The following LYRM4 variants were observed in gnomAD, a reference collection of about 807,000 sequenced individuals.
LYRM4 encodes the protein LYR motif-containing protein 4.
In LYRM4, 9 loss-of-function variants were observed where a neutral mutation model predicts 11.7. The ratio of observed to expected loss-of-function variants is 0.77; its 90% CI spans 0.46 to 1.34. The LOEUF (loss-of-function observed/expected upper bound fraction) is 1.34, where lower values mean the gene tolerates loss of function less well. Ranked by LOEUF, LYRM4 falls within the 40% of genes most tolerant of loss-of-function variation. The probability of loss-of-function intolerance (pLI) is 0.00; values close to 1 mark genes in which losing one functional copy is unlikely to be tolerated. For synonymous variants in LYRM4, 42 were observed against 40.4 expected (o/e 1.04, Z -0.15); for missense variants, 133 against 112.5 (o/e 1.18, Z -0.82).
chr6:5,209,220 A>G (rs1452639180), intron 2 of LYRM4, among the ~76,000 whole-genome samples: 1 of 152,062 alleles, frequency 6.6e-6, no homozygotes, highest in Non-Finnish European at 1.5e-5. Flanking sequence ...CAGTCTCCCA[A>G]GTAGCTAGGA....
At chr6:5,207,573 ACAAG>A (rs1352838051) in intron 2 of LYRM4, among the ~76,000 whole-genome samples, 2 of 152,184 alleles carry the variant, frequency 1.3e-5, no homozygotes, top group Non-Finnish European at 2.9e-5. Context: ...AAAGGACAAG[ACAAG>A]CAGTGAGGCA....
intron 2 of LYRM4, among the ~76,000 whole-genome samples, chr6:5,134,699 G>T (rs913257383): frequency 2.0e-5 from 3 of 152,132 alleles, no homozygotes; most frequent in Admixed American, 2.0e-4. Context: ...CTTAAAGATG[G>T]GTGATGGATA....
rs183132058 is a variant in LYRM4, at chr6:5,257,919, A to G, written c.86+2729T>C. ...TGAGGTAAAAGAATGACACACAGCA[A>G]TGAGACCTGTTTGGCTGGTGGGAGG... On this transcript the variant is annotated intron_variant, in intron 1 of 2. Coordinates refer to ENST00000330636, the MANE Select transcript of LYRM4 (RefSeq NM_020408.6). Among the ~76,000 whole-genome samples the G allele has an allele frequency of 1.8e-3, 270 of 152,348 alleles. 2 individuals are homozygous for G. The highest frequency in any genetic ancestry group is 3.5e-3 in the South Asian group (17 of 4,824).
chr6:5,151,468 T>C (rs931763743), intron 2 of LYRM4, among the ~76,000 whole-genome samples: 1 of 152,160 alleles, frequency 6.6e-6, no homozygotes, highest in Non-Finnish European at 1.5e-5. Flanking sequence ...TTCACAGTTG[T>C]TGCCTCCAGG....
the LYRM4 span, chr6:5,086,177 C>T: frequency 3.9e-6 from 6 of 1,531,784 alleles, no homozygotes; most frequent in Non-Finnish European, 4.4e-6. Context: ...GCCTCGGGCG[C>T]TGAGGTGAAG....
chr6:5,121,778 A>G (rs111750073), intron 2 of LYRM4, among the ~76,000 whole-genome samples: 2,028 of 152,342 alleles, frequency 0.013, 30 homozygotes, highest in South Asian at 0.086. Context: ...GCTCAGCTGC[A>G]TGTCTGTCCC....
chr6:5,084,371 G>C, the LYRM4 span, among the ~76,000 whole-genome samples: 5 of 152,176 alleles, frequency 3.3e-5, no homozygotes, highest in East Asian at 1.9e-4. Context: ...AGCGCAGTCC[G>C]GCGCGGGCCA....
chr6:5,260,542 C>CA, intron 1 of LYRM4, 106 bp downstream of exon 1: 2 of 1,451,980 alleles, frequency 1.4e-6, no homozygotes, highest in South Asian at 2.5e-5. Context: ...CAGCCGCCGG[C>CA]AAACCACGGT....
the LYRM4 span, among the ~76,000 whole-genome samples, chr6:5,078,495 G>A: frequency 2.0e-5 from 3 of 152,120 alleles, no homozygotes; most frequent in Non-Finnish European, 4.4e-5. Flanking sequence ...TTTAGTACAC[G>A]GTGACCAGTA....
the LYRM4 span, among the ~76,000 whole-genome samples, chr6:5,073,847 G>A: frequency 3.3e-5 from 5 of 152,124 alleles, no homozygotes; most frequent in South Asian, 2.1e-4. Context: ...TCTAGGCCCC[G>A]CCACACCCAG....
At chr6:5,173,588 T>C (rs1221643451) in intron 2 of LYRM4, among the ~76,000 whole-genome samples, 1 of 152,258 alleles carries the variant, frequency 6.6e-6, no homozygotes, top group Non-Finnish European at 1.5e-5. Context: ...ATTAACACAT[T>C]TGAAATTCAA....
At position 5,108,933 on chromosome 6, in the gene LYRM4, C is replaced by T; in HGVS notation, c.*490G>A. On this transcript the variant is annotated 3_prime_UTR_variant, in exon 3 of 3. Coordinates refer to ENST00000330636, the MANE Select transcript of LYRM4 (RefSeq NM_020408.6). Reference sequence around the variant, plus strand: ...ATGCTGCCCCCAGTCTCAAGTGGTGCTTGAACTTGCCTTCACCAAGGCAGT... The same window carrying T: ...ATGCTGCCCCCAGTCTCAAGTGGTGTTTGAACTTGCCTTCACCAAGGCAGT... The T allele has an allele frequency of 2.0e-6, 2 of 996,272 alleles. No individual in the cohort carries two copies. Among genetic ancestry groups the T allele is most frequent in the Non-Finnish European group, 1.2e-6 (1 of 835,580 alleles). The allele number at this position is 996,272 out of a possible 1,614,324, so 61.7% of individuals were successfully genotyped here.
At chr6:5,103,459 C>G (rs1485470522), downstream of LYRM4, 1 of 152,202 alleles carries the variant, frequency 6.6e-6, no homozygotes, top group Non-Finnish European at 1.5e-5. Context: ...CACAGGTTCA[C>G]AGAGCTAACA....
the LYRM4 span, chr6:5,033,855 A>G: frequency 6.6e-6 from 1 of 152,270 alleles, no homozygotes. Flanking sequence ...AACCAAATCA[A>G]TACTTGTGGC....
In LYRM4 at chr6:5,228,968, C is replaced by T. The variant is rs550137246; in HGVS notation, c.87-12230G>A. Among the ~76,000 whole-genome samples, 3 of 137,628 alleles carry T rather than the reference C, an allele frequency of 2.2e-5. No homozygotes were observed. The South Asian group carries it at 6.8e-4, about 31-fold the overall frequency. 90.3% of individuals were successfully genotyped at this position (137,628 alleles called of 152,430 possible). On this transcript the variant is annotated intron_variant, in intron 1 of 2. Transcript: ENST00000330636. ...GCAGCGAGCCAAGATCACGCCACTGCACTCCAGCCTGGGCGACGGAGCGAG... is the reference window on the plus strand; with the variant it reads ...GCAGCGAGCCAAGATCACGCCACTGTACTCCAGCCTGGGCGACGGAGCGAG...
At chr6:5,145,649 G>T (rs1467146633) in intron 2 of LYRM4, among the ~76,000 whole-genome samples, 1 of 152,140 alleles carries the variant, frequency 6.6e-6, no homozygotes, top group Non-Finnish European at 1.5e-5. Flanking sequence ...CCAGGGAGGA[G>T]AAAAGAAAAA....
chr6:5,215,311 T>C (rs1762214692), intron 2 of LYRM4, among the ~76,000 whole-genome samples: 1 of 152,196 alleles, frequency 6.6e-6, no homozygotes, highest in African/African-American at 2.4e-5. Context: ...AAGGACCTCA[T>C]AAAATTCAAC....
chr6:5,082,794 G>C, the LYRM4 span, among the ~76,000 whole-genome samples: 19 of 152,186 alleles, frequency 1.2e-4, no homozygotes, highest in Admixed American at 1.1e-3. Context: ...CCCATCCTCA[G>C]CTCCGCCAGT....
chr6:5,130,580 C>G (rs977257075), intron 2 of LYRM4, among the ~76,000 whole-genome samples: 7 of 152,136 alleles, frequency 4.6e-5, no homozygotes, highest in African/African-American at 1.4e-4. Flanking sequence ...AATCCAGGAG[C>G]CAGACAGAAA....
Sources: allele counts gnomAD v4.1 joint callset (sites outside exome capture counted in the v4.1 genomes callset), GRCh38; gene constraint gnomAD v4.1.1; transcripts MANE v1.5; gene names NCBI Gene and HGNC (gene_info 2026-07-23, HGNC 2026-07-21).